Variants in EIF2A observed in about 807,000 individuals in gnomAD.
The protein encoded by EIF2A is eukaryotic translation initiation factor 2A.
In EIF2A, 62 loss-of-function variants were observed where a neutral mutation model predicts 75.2. The observed-to-expected ratio is 0.82, with a 90% CI of 0.67 to 1.02. The LOEUF (loss-of-function observed/expected upper bound fraction) is 1.02, where lower values mean the gene tolerates loss of function less well. Ranked by LOEUF, EIF2A falls within the 50% of genes least tolerant of loss-of-function variation. The probability of loss-of-function intolerance (pLI) is 0.00; values close to 1 mark genes in which losing one functional copy is unlikely to be tolerated. For synonymous variants in EIF2A, 207 were observed against 239.0 expected (o/e 0.87, Z 1.23); for missense variants, 611 against 677.7 (o/e 0.90, Z 1.09).
intron 2 of EIF2A, among the ~76,000 whole-genome samples, chr3:150,554,465 C>G (rs1723463797): frequency 6.6e-6 from 1 of 152,202 alleles, no homozygotes; most frequent in Non-Finnish European, 1.5e-5. Flanking sequence ...AGAAATGGAT[C>G]TAGGCCACTG....
chr3:150,562,346 G>C (rs558113814), intron 3 of EIF2A, among the ~76,000 whole-genome samples, 196 bp from the exon 4 acceptor site: 21 of 151,762 alleles, frequency 1.4e-4, no homozygotes, highest in Non-Finnish European at 2.7e-4. Context: ...GGCATGAACC[G>C]GGGAGGTGGA....
At chr3:150,552,530 C>T (rs1243476017) in intron 2 of EIF2A, 105 bp downstream of exon 2, 1 of 882,770 alleles carries the variant, frequency 1.1e-6, no homozygotes, top group African/African-American at 1.7e-5. Context: ...AACAGATGAA[C>T]TCATTTTTAT....
At chr3:150,570,181 T>C (rs932925547) in intron 9 of EIF2A, among the ~76,000 whole-genome samples, 9 of 152,098 alleles carry the variant, frequency 5.9e-5, no homozygotes, top group African/African-American at 2.2e-4. Context: ...ATAGAAGTAC[T>C]AAGGGGAAAA....
intron 11 of EIF2A, 66 bp downstream of exon 11, chr3:150,575,828 C>A: frequency 7.4e-7 from 1 of 1,358,462 alleles, no homozygotes; most frequent in Non-Finnish European, 1.0e-6. Context: ...GTGGCTCACG[C>A]CCGTAATCCC....
Position 150,584,886 on chromosome 3 carries a change from AT to A in EIF2A, c.*977del, listed in dbSNP as rs1725386013. On this transcript the variant is annotated 3_prime_UTR_variant, in exon 14 of 14. Transcript: ENST00000460851. ...TACACACAGGACTTTTTTTTTTCTA[AT>A]TCAAAAAATACAAAGGCATGCAATG... 6.6e-6 allele frequency among the ~76,000 whole-genome samples: 1 copy of A among 151,142 alleles called. No individual in the cohort carries two copies. Among genetic ancestry groups the A allele is most frequent in the South Asian group, 2.1e-4 (1 of 4,828 alleles).
chr3:150,572,389 C>G lies in EIF2A; in HGVS notation c.1243C>G (p.Pro415Ala), dbSNP rs767344146. Residue 415 changes from proline to alanine, a missense_variant, in exon 10 of 14, where the codon CCA becomes GCA. Transcript: ENST00000460851. ...NAELWQVSWQ[P>A]FLDGIFPAKT... ...AGAATTATGGCAGGTTTCTTGGCAG[C>G]CATTTTTGGATGGAATATTTCCAGC... 18 of 1,613,942 alleles carry G rather than the reference C, an allele frequency of 1.1e-5. No homozygotes were observed. The highest frequency in any genetic ancestry group is 1.5e-5 in the Non-Finnish European group (18 of 1,179,872).
intron 10 of EIF2A, among the ~76,000 whole-genome samples, chr3:150,572,804 C>T (rs1057193631): frequency 1.4e-5 from 2 of 146,682 alleles, no homozygotes; most frequent in African/African-American, 2.5e-5. Flanking sequence ...TGCAGTGAGC[C>T]GAGATCGCAC....
intron 2 of EIF2A, chr3:150,557,510 C>T (rs1576590341): frequency 5.2e-6 from 1 of 190,810 alleles, no homozygotes; most frequent in Non-Finnish European, 1.1e-5. Flanking sequence ...AAGCAATTCT[C>T]CTGTCTCAGC....
intron 5 of EIF2A, among the ~76,000 whole-genome samples, 169 bp from the exon 6 acceptor site, chr3:150,564,130 C>T (rs1228322975): frequency 6.6e-6 from 1 of 152,106 alleles, no homozygotes; most frequent in Non-Finnish European, 1.5e-5. Context: ...TTTCTATTAA[C>T]ATATATTGAC....
intron 2 of EIF2A, 171 bp downstream of exon 2, chr3:150,552,596 T>C (rs1723369728): frequency 1.9e-6 from 1 of 535,442 alleles, no homozygotes; most frequent in South Asian, 3.1e-5. Flanking sequence ...AGGAAAATGA[T>C]CTTCAGATCT....
intron 6 of EIF2A, chr3:150,566,751 A>G (rs71306515): frequency 1.3e-5 from 2 of 149,578 alleles, no homozygotes; most frequent in African/African-American, 2.4e-5. Context: ...TATTCTTACA[A>G]TCTTAATACC....
At position 150,584,318 on chromosome 3, in the gene EIF2A, TCA is replaced by T. The variant is rs1261302424; in HGVS notation, c.*410_*411del. The T allele has an allele frequency of 1.3e-5, 2 of 153,538 alleles. No individual in the cohort carries two copies. The highest frequency in any genetic ancestry group is 4.8e-5 in the African/African-American group (2 of 41,506). 9.5% of individuals were successfully genotyped at this position (153,538 alleles called of 1,614,324 possible). ...TAAGATGTGTAAAACTACTTAATTC[TCA>T]CAAGACTCTATGAAGTAATTCTTTT... is the stretch of plus-strand genomic sequence containing the variant. On this transcript the variant is annotated 3_prime_UTR_variant, in exon 14 of 14. Transcript: ENST00000460851.
At chr3:150,566,378 C>T (rs368222233) in intron 6 of EIF2A, 1 of 151,846 alleles carries the variant, frequency 6.6e-6, no homozygotes, top group East Asian at 1.9e-4. Flanking sequence ...AGTATTAGCT[C>T]TTGATCTCAT....
chr3:150,579,882 C>A (rs1056752220), intron 11 of EIF2A, among the ~76,000 whole-genome samples: 1 of 149,570 alleles, frequency 6.7e-6, no homozygotes, highest in South Asian at 2.1e-4. Flanking sequence ...TTATGGAGAC[C>A]TGGAGCATTA....
chr3:150,568,410 C>G (rs1241396764), intron 9 of EIF2A, 118 bp downstream of exon 9: 16 of 791,606 alleles, frequency 2.0e-5, no homozygotes, highest in East Asian at 3.2e-5. Context: ...GCCTTAATAA[C>G]CTTTAAGATA....
At chr3:150,548,415 C>T (rs1175964956) in intron 1 of EIF2A, among the ~76,000 whole-genome samples, 1 of 152,176 alleles carries the variant, frequency 6.6e-6, no homozygotes, top group Non-Finnish European at 1.5e-5. Context: ...TTGCCTTTCT[C>T]CCCTGCTAGA....
At chr3:150,582,026 A>G (rs936362905) in intron 12 of EIF2A, among the ~76,000 whole-genome samples, 2 of 151,796 alleles carry the variant, frequency 1.3e-5, no homozygotes, top group Non-Finnish European at 2.9e-5. Flanking sequence ...TTTGAGACGG[A>G]GTCTTGCCCT....
chr3:150,575,731 G>T lies in EIF2A; in HGVS notation c.1466G>T (p.Arg489Met), dbSNP rs750465387. The T allele has an allele frequency of 3.7e-6, 6 of 1,612,320 alleles. No individual in the cohort carries two copies. Among genetic ancestry groups the T allele is most frequent in the Middle Eastern group, 1.6e-4 (1 of 6,082 alleles). The change falls in exon 11 of 14, where the codon AGG becomes ATG. Residue 489 changes from arginine to methionine, a missense_variant. Physicochemically the swap from Arg to Met is moderately conservative, Grantham distance 91. Transcript: ENST00000460851. ...PLSKTALKNQ[R>M]KHEAKKAAKQ... The stretch of plus-strand genomic sequence containing the variant: ...TCAAAAACAGCTCTTAAAAATCAAA[G>T]GAAGCATGAAGCTAAGAAAGCTGCA...
chr3:150,554,782 A>G (rs552065259), intron 2 of EIF2A, among the ~76,000 whole-genome samples: 1 of 152,310 alleles, frequency 6.6e-6, no homozygotes, highest in Non-Finnish European at 1.5e-5. Flanking sequence ...TATTAGGCCC[A>G]GTTCTCTAGA....
Sources: gnomAD v4.1 joint callset for allele counts (sites outside exome capture counted in the v4.1 genomes callset) on GRCh38, gnomAD v4.1.1 for gene constraint, MANE v1.5 for transcripts, NCBI Gene and HGNC (gene_info 2026-07-23, HGNC 2026-07-21) for gene names.